OTUD7A: variants seen among roughly 807,000 people sequenced by gnomAD.
The protein encoded by OTUD7A is OTU domain-containing protein 7A.
Under a neutral mutation model 65.7 loss-of-function variants are expected in OTUD7A, and 12 were observed. That is an observed-to-expected ratio of 0.18 (90% CI 0.12 to 0.30). The LOEUF (loss-of-function observed/expected upper bound fraction) is 0.30, where lower values mean the gene tolerates loss of function less well. Among genes scored for constraint, OTUD7A ranks in the 10% least tolerant of loss-of-function variants. The pLI is 1.00. For synonymous variants in OTUD7A, 641 were observed against 586.3 expected (o/e 1.09, Z -1.35); for missense variants, 1,148 against 1,304.8 (o/e 0.88, Z 1.85).
intron 3 of OTUD7A, among the ~76,000 whole-genome samples, chr15:31,638,620 C>T (rs1891415632): frequency 6.6e-6 from 1 of 151,280 alleles, no homozygotes; most frequent in African/African-American, 2.4e-5. Flanking sequence ...TGGTCTGGAA[C>T]TCTGGGCTCA....
In OTUD7A at chr15:31,510,903, CAT is replaced by C. The variant is rs369974532; in HGVS notation, c.894-7087_894-7086del. Among the ~76,000 whole-genome samples, 4 of 16,490 alleles carry C rather than the reference CAT, an allele frequency of 2.4e-4. 1 individual carries two copies. The highest frequency in any genetic ancestry group is 6.9e-4 in the African/African-American group (1 of 1,440). The allele number at this position is 16,490 out of a possible 152,430, so 10.8% of individuals were successfully genotyped here. On this transcript the variant is annotated intron_variant, in intron 8 of 12. Transcript: ENST00000307050. ...AACATATATGTATATCTATATGTAA[CAT>C]ATATGTATATCTATATGTAACATAT...
chr15:31,696,146 G>T (rs1199203670), intron 1 of OTUD7A, among the ~76,000 whole-genome samples: 1 of 148,486 alleles, frequency 6.7e-6, no homozygotes, highest in Admixed American at 6.7e-5. Context: ...ACAGGGTTGA[G>T]GGGGGCACAA....
chr15:31,595,596 A>G (rs1466453470), intron 3 of OTUD7A, among the ~76,000 whole-genome samples: 1 of 152,238 alleles, frequency 6.6e-6, no homozygotes, highest in Admixed American at 6.5e-5. Context: ...CATTTCCTAC[A>G]AAGTATCACA....
At chr15:31,596,777 C>T (rs2125624) in intron 3 of OTUD7A, among the ~76,000 whole-genome samples, 48,256 of 151,742 alleles carry the variant, frequency 0.32, 9,785 homozygotes, top group African/African-American at 0.58. Flanking sequence ...GTATCTTCTT[C>T]TTTTCTGTTT....
intron 1 of OTUD7A, among the ~76,000 whole-genome samples, chr15:31,867,049 A>G (rs1005417000): frequency 6.6e-6 from 1 of 152,088 alleles, no homozygotes; most frequent in Non-Finnish European, 1.5e-5. Flanking sequence ...CTTCAGTAAC[A>G]CACCCAGATG....
chr15:31,580,595 A>C (rs1889343346), intron 3 of OTUD7A, among the ~76,000 whole-genome samples: 1 of 152,204 alleles, frequency 6.6e-6, no homozygotes, highest in Non-Finnish European at 1.5e-5. Flanking sequence ...ACTCACAGTT[A>C]CACATGGCTG....
At chr15:31,812,676 T>C (rs1896450419) in intron 1 of OTUD7A, among the ~76,000 whole-genome samples, 1 of 152,238 alleles carries the variant, frequency 6.6e-6, no homozygotes, top group East Asian at 1.9e-4. Flanking sequence ...ACTCCAACTA[T>C]ACCATAAAGT....
At chr15:31,512,355 G>A (rs1352384746) in intron 8 of OTUD7A, among the ~76,000 whole-genome samples, 2 of 152,258 alleles carry the variant, frequency 1.3e-5, no homozygotes, top group South Asian at 2.1e-4. Context: ...GACCACCCCC[G>A]GCAGAGAATG....
intron 1 of OTUD7A, among the ~76,000 whole-genome samples, chr15:31,698,254 C>A (rs1595714237): frequency 1.3e-5 from 2 of 152,226 alleles, no homozygotes; most frequent in East Asian, 1.9e-4. Flanking sequence ...TACTCTAATA[C>A]CCTGGCATTT....
intron 1 of OTUD7A, among the ~76,000 whole-genome samples, chr15:31,769,859 G>A (rs1015983961): frequency 1.3e-5 from 2 of 152,202 alleles, no homozygotes; most frequent in Non-Finnish European, 2.9e-5. Context: ...GTTTTGCCAG[G>A]TGATGAAATT....
intron 4 of OTUD7A, among the ~76,000 whole-genome samples, chr15:31,565,551 C>T (rs903003180): frequency 1.3e-5 from 2 of 151,848 alleles, no homozygotes; most frequent in African/African-American, 4.8e-5. Context: ...ATTCCAATTC[C>T]ACTCAGAATT....
intron 1 of OTUD7A, among the ~76,000 whole-genome samples, chr15:31,797,275 T>G (rs1895991337): frequency 6.6e-6 from 1 of 152,200 alleles, no homozygotes; most frequent in Non-Finnish European, 1.5e-5. Context: ...TTAGGATGGC[T>G]GAGTGATCTT....
In OTUD7A at chr15:31,628,728, T is replaced by C. The variant is rs747823031; in HGVS notation, c.151+26368A>G. Among the ~76,000 whole-genome samples, 117 of 152,310 alleles carry C rather than the reference T, an allele frequency of 7.7e-4. No homozygotes were observed. In the Middle Eastern group the frequency reaches 0.02, roughly 27 times the overall value. On this transcript the variant is annotated intron_variant, in intron 3 of 12. Coordinates refer to ENST00000307050, the MANE Select transcript of OTUD7A (RefSeq NM_001382637.1). ...TATTGATTCTTCCTACCCATGAGCA[T>C]GGAATGTTCTTCCATTTGTTTGTAT...
At chr15:31,716,067 A>G (rs1203482422) in intron 1 of OTUD7A, among the ~76,000 whole-genome samples, 3 of 107,696 alleles carry the variant, frequency 2.8e-5, no homozygotes, top group African/African-American at 9.0e-5. Context: ...AATTTATAAT[A>G]TAAATATAAA....
intron 5 of OTUD7A, among the ~76,000 whole-genome samples, chr15:31,541,020 G>C (rs758447912): frequency 6.6e-6 from 1 of 152,150 alleles, no homozygotes; most frequent in South Asian, 2.1e-4. Flanking sequence ...AGAAGCATAG[G>C]GAGACAGTGA....
chr15:31,823,983 T>C (rs1469486267), intron 1 of OTUD7A, among the ~76,000 whole-genome samples: 1 of 152,242 alleles, frequency 6.6e-6, no homozygotes, highest in Non-Finnish European at 1.5e-5. Flanking sequence ...ATAATGCATC[T>C]TTATACATTC....
chr15:31,746,643 T>C (rs969186822), intron 1 of OTUD7A, among the ~76,000 whole-genome samples: 1 of 151,816 alleles, frequency 6.6e-6, no homozygotes, highest in African/African-American at 2.4e-5. Context: ...ATTACAAGCA[T>C]GCGCCACCAC....
chr15:31,503,392 T>C (rs907800972), intron 9 of OTUD7A, among the ~76,000 whole-genome samples: 1 of 151,750 alleles, frequency 6.6e-6, no homozygotes, highest in African/African-American at 2.4e-5. Context: ...GTTGGAGGGG[T>C]GTGGGCTGTC....
chr15:31,639,038 G>T lies in OTUD7A; in HGVS notation c.151+16058C>A, dbSNP rs1891432452. 3.9e-5 allele frequency among the ~76,000 whole-genome samples: 6 copies of T among 152,112 alleles called. 1 individual carries two copies. The South Asian group carries it at 1.2e-3, about 31-fold the overall frequency. On this transcript the variant is annotated intron_variant, in intron 3 of 12. Coordinates refer to ENST00000307050, the MANE Select transcript of OTUD7A (RefSeq NM_001382637.1). ...AGTCGCAGCTACTCGGGAGGCTGAG[G>T]CAGGAGAATGGCGTGAACCCGGGAG... is the stretch of plus-strand genomic sequence containing the variant.
Sources: gnomAD v4.1 joint callset for allele counts (sites outside exome capture counted in the v4.1 genomes callset) on GRCh38, gnomAD v4.1.1 for gene constraint, MANE v1.5 for transcripts, NCBI Gene and HGNC (gene_info 2026-07-23, HGNC 2026-07-21) for gene names.